Variants in HCFC1 observed in about 807,000 individuals in gnomAD.
The protein encoded by HCFC1 is host cell factor C1.
Under a neutral mutation model 105.5 loss-of-function variants are expected in HCFC1, and 7 were observed. That is an observed-to-expected ratio of 0.07 (90% CI 0.04 to 0.12). The LOEUF is 0.12. HCFC1 is among the 10% of genes least tolerant of loss of function. The pLI, the probability that HCFC1 is intolerant of heterozygous loss-of-function variation, is 1.00. For synonymous variants in HCFC1, 918 were observed against 828.1 expected (o/e 1.11, Z -1.86); for missense variants, 1,065 against 1,823.6 (o/e 0.58, Z 7.58).
At chrX:153,953,037 G>T in intron 18 of HCFC1, 79 bp from the exon 19 acceptor site, 1 of 802,621 alleles carries the variant, frequency 1.2e-6, no homozygotes, top group Non-Finnish European at 1.9e-6. Flanking sequence ...TGGCCGGGAT[G>T]GGGACTTCAG....
In HCFC1 at chrX:153,956,311, G is replaced by A. The variant is rs1464909780; in HGVS notation, c.2736C>T (p.Thr912=). Residue 912 remains threonine (T), a synonymous_variant, in exon 16 of 26, where the codon ACC becomes ACT. Transcript: ENST00000310441. ...TTGAGAGGGTGGCAATGGTGCCCAA[G>A]GTGGTGATGGGCGTGGCCAGGGAAG... ...TSASLATPIT[T]LGTIATLSSQ... 4.1e-6 allele frequency: 5 copies of A among 1,211,676 alleles called. No individual in the cohort carries two copies. Among genetic ancestry groups the A allele is most frequent in the Non-Finnish European group, 5.6e-6 (5 of 894,962 alleles).
intron 12 of HCFC1, 47 bp from the exon 13 acceptor site, chrX:153,957,580 G>A (rs1557115478): frequency 9.6e-7 from 1 of 1,043,145 alleles, no homozygotes. Context: ...TGCCAGGAAG[G>A]GAAGTGTGGT....
Position 153,954,634 on chromosome X carries a change from T to C in HCFC1, c.3765A>G (p.Ala1255=). ...SSVGAGEPRM[A]PVCESLQGGS... ...CACCCTGGAGGCTCTCGCACACAGG[T>C]GCCATGCGGGGCTCCCCAGCACCCA... Residue 1255 remains alanine (A), a synonymous_variant, in exon 17 of 26, where the codon GCA becomes GCG. Transcript: ENST00000310441. The C allele has an allele frequency of 8.3e-7, 1 of 1,206,067 alleles. No individual in the cohort carries two copies. Among genetic ancestry groups the C allele is most frequent in the Non-Finnish European group, 1.1e-6 (1 of 892,449 alleles).
In HCFC1 at chrX:153,957,568, A is replaced by G. The variant is rs782605560; in HGVS notation, c.2134-35T>C. On this transcript the variant is annotated intron_variant, in intron 12 of 25. Transcript: ENST00000310441. ...GGAAGCAGGTGCATGAGCCGGCATC[A>G]CTGCCAGGAAGGGAAGTGTGGTCTG... The G allele has an allele frequency of 8.3e-6, 9 of 1,080,229 alleles. No homozygotes were observed. The South Asian group carries it at 1.6e-4, about 19-fold the overall frequency. 89.0% of individuals were successfully genotyped at this position (1,080,229 alleles called of 1,213,427 possible). A position where few individuals can be genotyped will look rare whatever the true frequency, so the allele number is the denominator to read the frequency against.
At chrX:153,955,865 G>A (rs988977051) in intron 16 of HCFC1, among the ~76,000 whole-genome samples, 1 of 112,994 alleles carries the variant, frequency 8.9e-6, no homozygotes, top group Non-Finnish European at 1.9e-5. Context: ...AACAACAAAC[G>A]TTTCACCGTT....
chrX:153,956,257 A>G lies in HCFC1; in HGVS notation c.2790T>C (p.Thr930=). The change falls in exon 16 of 26, where the codon ACT becomes ACC. Residue 930 remains threonine (T), a synonymous_variant. Transcript: ENST00000310441. ...SSQVINPTAI[T]VSAAQTTLTA... ...TCAGCGTGGTCTGTGCGGCCGACAC[A>G]GTGATGGCAGTGGGGTTGATCACCT... The G allele has an allele frequency of 1.6e-6, 2 of 1,212,375 alleles. No homozygotes were observed. Among genetic ancestry groups the G allele is most frequent in the Non-Finnish European group, 2.2e-6 (2 of 895,597 alleles).
Position 153,963,539 on chromosome X carries a change from G to A in HCFC1, c.504-106C>T, listed in dbSNP as rs1557117571. Reference sequence around the variant, plus strand: ...CCTCCCCAGAACACAAAGGGGCTAGGGCTGTGGGAGCTCTGAAGTTCTTCT... The same window carrying A: ...CCTCCCCAGAACACAAAGGGGCTAGAGCTGTGGGAGCTCTGAAGTTCTTCT... On this transcript the variant is annotated intron_variant, in intron 3 of 25. Coordinates refer to ENST00000310441, the MANE Select transcript of HCFC1 (RefSeq NM_005334.3). 4 of 532,624 alleles carry A rather than the reference G, an allele frequency of 7.5e-6. 1 individual carries two copies. Among genetic ancestry groups the A allele is most frequent in the Non-Finnish European group, 1.2e-5 (4 of 321,854 alleles). 43.9% of individuals were successfully genotyped at this position (532,624 alleles called of 1,213,427 possible).
chrX:153,955,407 C>T lies in HCFC1; in HGVS notation c.2992G>A (p.Asp998Asn), dbSNP rs1557114563. The change falls in exon 17 of 26, where the codon GAC (aspartate) becomes AAC (asparagine). Residue 998 changes from aspartate (D) to asparagine (N), a missense_variant. Physicochemically the swap from Asp to Asn is conservative, Grantham distance 23. This residue lies in a region of HCFC1 where 546 missense variants were observed against 599.9 expected (regional missense o/e 0.91). Transcript: ENST00000310441. ...EQPTATVTIA[D>N]SGQGDVQPGT... ...GGCTGCACATCACCCTGGCCTGAGT[C>T]GGCGATGGTAACTGTGGCGGTGGGC... The T allele has an allele frequency of 8.3e-7, 1 of 1,211,034 alleles. No homozygotes were observed. Among genetic ancestry groups the T allele is most frequent in the East Asian group, 3.0e-5 (1 of 33,845 alleles).
In HCFC1 at chrX:153,957,252, C is replaced by T. The variant is rs904537305; in HGVS notation, c.2353+62G>A. On this transcript the variant is annotated intron_variant, in intron 13 of 25. Transcript: ENST00000310441. ...CAGAAACACAGCACGCCTTATAACC[C>T]GGACTCCATTTCCCCTCCAGTGAGG... is the stretch of plus-strand genomic sequence containing the variant. 51 of 1,038,803 alleles carry T rather than the reference C, an allele frequency of 4.9e-5. 1 individual carries two copies. In the Admixed American group the frequency reaches 1.2e-3, roughly 25 times the overall value. 85.6% of individuals were successfully genotyped at this position (1,038,803 alleles called of 1,213,427 possible). A position where few individuals can be genotyped will look rare whatever the true frequency, so the allele number is the denominator to read the frequency against.
At chrX:153,956,454 C>T (rs782507915) in intron 15 of HCFC1, 43 bp from the exon 16 acceptor site, 2 of 1,158,601 alleles carry the variant, frequency 1.7e-6, no homozygotes, top group Non-Finnish European at 2.4e-6. Flanking sequence ...CTGCTGCTGT[C>T]TCCTTCCCAG....
intron 4 of HCFC1, 102 bp downstream of exon 4, chrX:153,963,123 C>G (rs1190192232): frequency 1.6e-6 from 1 of 617,211 alleles, no homozygotes; most frequent in African/African-American, 2.2e-5. Flanking sequence ...CTCCAGCTCC[C>G]TAAGAGCCCC....
In HCFC1 at chrX:153,954,642, G is replaced by A. The variant is rs199554411; in HGVS notation, c.3757C>T (p.Arg1253Cys). 169 of 1,205,552 alleles carry A rather than the reference G, an allele frequency of 1.4e-4. No individual in the cohort carries two copies. The East Asian group carries it at 3.7e-3, about 26-fold the overall frequency. Residue 1253 changes from arginine to cysteine, a missense_variant, in exon 17 of 26, where the codon CGC (arginine) becomes TGC (cysteine). Arg to Cys is a radical substitution (Grantham distance 180). Transcript: ENST00000310441. ...TRSSVGAGEPRMAPVCESLQG... is the reference protein window; with the variant it reads ...TRSSVGAGEPCMAPVCESLQG... Reference sequence around the variant, plus strand: ...AGGCTCTCGCACACAGGTGCCATGCGGGGCTCCCCAGCACCCACGCTGGAA... The same window carrying A: ...AGGCTCTCGCACACAGGTGCCATGCAGGGCTCCCCAGCACCCACGCTGGAA...
At chrX:153,956,785 C>T (rs781975048) in intron 14 of HCFC1, 22 bp from the exon 15 acceptor site, 11 of 1,207,897 alleles carry the variant, frequency 9.1e-6, no homozygotes, top group Non-Finnish European at 1.2e-5. Flanking sequence ...GAGGAAAGTG[C>T]CACCAACGTC....
At position 153,970,572 on chromosome X, in the gene HCFC1, G is replaced by A. The variant is rs782370885; in HGVS notation, c.193+76C>T. On this transcript the variant is annotated intron_variant, in intron 1 of 25. Transcript: ENST00000310441. ...AGGAGAGGGAGGGAGCAGATGGAGG[G>A]AGGGAGGAAAGAGGAGGGAGAGGGA... The A allele has an allele frequency of 5.3e-5, 37 of 701,950 alleles. 1 individual carries two copies. Among genetic ancestry groups the A allele is most frequent in the Middle Eastern group, 6.0e-4 (2 of 3,359 alleles). The allele number at this position is 701,950 out of a possible 1,213,427, so 57.8% of individuals were successfully genotyped here.
In HCFC1 at chrX:153,954,233, G is replaced by C; in HGVS notation, c.4166C>G (p.Ser1389Cys). The C allele has an allele frequency of 1.2e-5, 15 of 1,209,834 alleles. No individual in the cohort carries two copies. In the South Asian group the frequency reaches 2.5e-4, roughly 20 times the overall value. Residue 1389 changes from serine to cysteine, a missense_variant, in exon 17 of 26, where the codon TCT becomes TGT. Transcript: ENST00000310441. ...DATSSHRTVESGLEVAAAPSV... is the reference protein window; with the variant it reads ...DATSSHRTVECGLEVAAAPSV... ...GGGTGCCGCCGCCACCTCTAGGCCAGACTCCACGGTCCTGTGGGAAGAAGT... is the reference window on the plus strand; with the variant it reads ...GGGTGCCGCCGCCACCTCTAGGCCACACTCCACGGTCCTGTGGGAAGAAGT...
At chrX:153,950,197 T>G (rs1285279550) in intron 24 of HCFC1, 46 bp downstream of exon 24, 24 of 1,098,453 alleles carry the variant, frequency 2.2e-5, no homozygotes, top group Non-Finnish European at 2.8e-5. Context: ...GCACCCGGCT[T>G]CCTGGGCCTT....
rs1557120159 is a variant in HCFC1, at chrX:153,971,390, C to G, written c.-550G>C. The G allele has an allele frequency of 6.8e-6, 2 of 294,031 alleles. No homozygotes were observed. Among genetic ancestry groups the G allele is most frequent in the East Asian group, 4.8e-5 (1 of 20,833 alleles). The allele number at this position is 294,031 out of a possible 1,213,427, so 24.2% of individuals were successfully genotyped here. The stretch of plus-strand genomic sequence containing the variant: ...TCTTGAGACCGTCCCGCTTCCCCGC[C>G]CAGCGCCTTAGTGCAGCCGCCGCTC... On this transcript the variant is annotated 5_prime_UTR_variant, in exon 1 of 26. Transcript: ENST00000310441.
rs782783721 is a variant in HCFC1, at chrX:153,959,721, G to A, written c.1444+81C>T. 3.8e-5 allele frequency: 42 copies of A among 1,103,755 alleles called. 1 individual carries two copies. In the Admixed American group the frequency reaches 9.3e-4, roughly 24 times the overall value. 91.0% of individuals were successfully genotyped at this position (1,103,755 alleles called of 1,213,427 possible). On this transcript the variant is annotated intron_variant, in intron 8 of 25. Coordinates refer to ENST00000310441, the MANE Select transcript of HCFC1 (RefSeq NM_005334.3). The stretch of plus-strand genomic sequence containing the variant: ...CTGCTGGCCTGCTGTCTAGGCTGCC[G>A]TCTCGCAGCCCCTACTTGGCCGCTG...
chrX:153,960,186 A>T lies in HCFC1; in HGVS notation c.1085-25T>A, dbSNP rs782393577. ...TCTGTGGGAGAACGCAGTTGGTGAG[A>T]AGGGGCGGGAGGCTATGGGAGGAGG... On this transcript the variant is annotated intron_variant, in intron 7 of 25. Coordinates refer to ENST00000310441, the MANE Select transcript of HCFC1 (RefSeq NM_005334.3). 7 of 1,199,382 alleles carry T rather than the reference A, an allele frequency of 5.8e-6. No individual in the cohort carries two copies. The South Asian group carries it at 1.3e-4, about 22-fold the overall frequency.
Sources: gnomAD v4.1 joint callset for allele counts (sites outside exome capture counted in the v4.1 genomes callset) on GRCh38, gnomAD v4.1.1 for gene constraint, gnomAD v4.1.1 regional missense constraint, MANE v1.5 for transcripts, NCBI Gene and HGNC (gene_info 2026-07-23, HGNC 2026-07-21) for gene names.